The following PXDNL variants were observed in gnomAD, a reference collection of about 807,000 sequenced individuals.
PXDNL encodes the protein peroxidasin like, also known as probable oxidoreductase PXDNL.
A neutral mutation model predicts 150.8 loss-of-function variants in PXDNL; 145 were observed. The observed-to-expected ratio is 0.96, with a 90% CI of 0.84 to 1.10. The LOEUF is 1.10. Among genes scored for constraint, PXDNL ranks in the 50% least tolerant of loss-of-function variants. The probability of loss-of-function intolerance (pLI) is 0.00; values close to 1 mark genes in which losing one functional copy is unlikely to be tolerated. For synonymous variants in PXDNL, 757 were observed against 725.7 expected (o/e 1.04, Z -0.69); for missense variants, 2,087 against 1,873.9 (o/e 1.11, Z -2.10).
chr8:51,545,847 G>A (rs1373038011), intron 4 of PXDNL, among the ~76,000 whole-genome samples: 1 of 152,148 alleles, frequency 6.6e-6, no homozygotes, highest in African/African-American at 2.4e-5. Flanking sequence ...ATATTCAGAG[G>A]AAACAAACAT....
chr8:51,785,878 T>C (rs975211511), intron 1 of PXDNL, among the ~76,000 whole-genome samples: 4 of 152,266 alleles, frequency 2.6e-5, no homozygotes, highest in African/African-American at 7.2e-5. Flanking sequence ...ATGATTAAAC[T>C]AGTGAGGAAG....
chr8:51,730,189 G>C (rs1336194922), intron 1 of PXDNL, among the ~76,000 whole-genome samples: 2 of 122,812 alleles, frequency 1.6e-5, no homozygotes, highest in Non-Finnish European at 1.7e-5. Context: ...GTATTGACAG[G>C]GGGTAGCTTA....
At chr8:51,587,124 T>C (rs778916271) in intron 3 of PXDNL, among the ~76,000 whole-genome samples, 7 of 152,206 alleles carry the variant, frequency 4.6e-5, no homozygotes, top group Non-Finnish European at 1.0e-4. Flanking sequence ...AAGATCATTA[T>C]AATTTGGATG....
intron 1 of PXDNL, among the ~76,000 whole-genome samples, chr8:51,781,310 G>A (rs891116089): frequency 2.0e-5 from 3 of 151,926 alleles, no homozygotes; most frequent in Admixed American, 2.0e-4. Flanking sequence ...GATGCTTGGC[G>A]CACATGCATG....
intron 1 of PXDNL, among the ~76,000 whole-genome samples, chr8:51,685,221 T>C (rs1815846812): frequency 6.6e-6 from 1 of 151,978 alleles, no homozygotes; most frequent in South Asian, 2.1e-4. Context: ...TGCAGGTGAG[T>C]TCTGGGCTCA....
At position 51,404,904 on chromosome 8, in the gene PXDNL, C is replaced by T. The variant is rs147744004; in HGVS notation, c.3557+3163G>A. On this transcript the variant is annotated intron_variant, in intron 17 of 22. Coordinates refer to ENST00000356297, the MANE Select transcript of PXDNL (RefSeq NM_144651.5). The stretch of plus-strand genomic sequence containing the variant: ...GATCGTCAGGGAGGCTCGGGCTGCA[C>T]AGGAGCCCACGGCAAGGGTTGGGGG... 1.7e-3 allele frequency among the ~76,000 whole-genome samples: 264 copies of T among 152,256 alleles called. 1 individual carries two copies. Among genetic ancestry groups the T allele is most frequent in the African/African-American group, 5.8e-3 (242 of 41,556 alleles).
At chr8:51,403,042 A>G (rs1011713132) in intron 17 of PXDNL, among the ~76,000 whole-genome samples, 4 of 149,954 alleles carry the variant, frequency 2.7e-5, no homozygotes, top group African/African-American at 9.8e-5. Context: ...GTAAGCTGAG[A>G]TCGCCACTGC....
intron 1 of PXDNL, among the ~76,000 whole-genome samples, chr8:51,774,931 G>C (rs1370039403): frequency 6.6e-6 from 1 of 152,118 alleles, no homozygotes; most frequent in African/African-American, 2.4e-5. Flanking sequence ...TCAATCCTCA[G>C]ATACATGATA....
chr8:51,715,597 G>A (rs568887758), intron 1 of PXDNL, among the ~76,000 whole-genome samples: 9 of 152,170 alleles, frequency 5.9e-5, no homozygotes, highest in Non-Finnish European at 8.8e-5. Context: ...GACCTCCTGC[G>A]GCAGAACGTA....
intron 1 of PXDNL, among the ~76,000 whole-genome samples, chr8:51,763,920 T>A (rs760646833): frequency 1.3e-5 from 2 of 152,232 alleles, no homozygotes; most frequent in Non-Finnish European, 2.9e-5. Context: ...GTAGAATTCT[T>A]CAGCGAAGTC....
At chr8:51,428,708 C>T (rs1352475654) in intron 12 of PXDNL, among the ~76,000 whole-genome samples, 3 of 151,894 alleles carry the variant, frequency 2.0e-5, no homozygotes, top group East Asian at 1.9e-4. Context: ...AAAATTAACT[C>T]GAAATGGACA....
intron 1 of PXDNL, among the ~76,000 whole-genome samples, chr8:51,803,298 A>C (rs1014670489): frequency 6.6e-6 from 1 of 152,182 alleles, no homozygotes; most frequent in African/African-American, 2.4e-5. Flanking sequence ...GGAAACTGCG[A>C]GGTCCAGTAG....
At chr8:51,588,741 C>T (rs1813379400) in intron 3 of PXDNL, among the ~76,000 whole-genome samples, 2 of 152,052 alleles carry the variant, frequency 1.3e-5, no homozygotes, top group East Asian at 1.9e-4. Context: ...GGGAGTTACT[C>T]GTGACATGCC....
chr8:51,363,093 T>G (rs1002923720), intron 19 of PXDNL, among the ~76,000 whole-genome samples: 3 of 152,162 alleles, frequency 2.0e-5, no homozygotes, highest in Non-Finnish European at 2.9e-5. Context: ...CGTTCTTCCC[T>G]GGCCCAGTTT....
chr8:51,544,890 A>T (rs144801887), intron 4 of PXDNL, among the ~76,000 whole-genome samples: 1 of 149,398 alleles, frequency 6.7e-6, no homozygotes, highest in Non-Finnish European at 1.5e-5. Context: ...AATAAGAAAC[A>T]TTAAAATAAA....
rs530127712 is a variant in PXDNL at position 51,457,461 on chromosome 8, G to C, written c.982+37C>G. The C allele has an allele frequency of 8.1e-6, 12 of 1,489,154 alleles. No homozygotes were observed. The South Asian group carries it at 1.5e-4, about 19-fold the overall frequency. The allele number at this position is 1,489,154 out of a possible 1,614,324, so 92.2% of individuals were successfully genotyped here. On this transcript the variant is annotated intron_variant, in intron 9 of 22. Coordinates refer to ENST00000356297, the MANE Select transcript of PXDNL (RefSeq NM_144651.5). ...CAGCAATATTAGATCATTTTCCAGT[G>C]CAGATAATTGATAGAACTAGAAAAT...
At chr8:51,646,095 C>T (rs1020551495) in intron 2 of PXDNL, among the ~76,000 whole-genome samples, 2 of 152,094 alleles carry the variant, frequency 1.3e-5, no homozygotes, top group African/African-American at 2.4e-5. Flanking sequence ...ATGCCCTAAC[C>T]CCTCACGTGA....
At chr8:51,402,587 T>C (rs1439520948) in intron 17 of PXDNL, among the ~76,000 whole-genome samples, 1 of 152,154 alleles carries the variant, frequency 6.6e-6, no homozygotes, top group African/African-American at 2.4e-5. Context: ...AATAAACTTA[T>C]ACTTACTCAA....
intron 1 of PXDNL, among the ~76,000 whole-genome samples, chr8:51,700,492 T>C (rs142173346): frequency 6.6e-6 from 1 of 151,306 alleles, no homozygotes; most frequent in Non-Finnish European, 1.5e-5. Context: ...CACATATACA[T>C]ATATACACAC....
Sources: allele counts gnomAD v4.1 joint callset (sites outside exome capture counted in the v4.1 genomes callset), GRCh38; gene constraint gnomAD v4.1.1; transcripts MANE v1.5; gene names NCBI Gene and HGNC (gene_info 2026-07-23, HGNC 2026-07-21).